SP110: variants seen among roughly 807,000 people sequenced by gnomAD.
The protein encoded by SP110 is interferon-induced protein 41, 30kD.
A neutral mutation model predicts 92.7 loss-of-function variants in SP110; 62 were observed. The observed-to-expected ratio is 0.67, with a 90% CI of 0.55 to 0.83. SP110 has a LOEUF of 0.83. Ranked by LOEUF, SP110 falls within the 40% of genes least tolerant of loss-of-function variation. SP110 has a pLI of 0.00. For synonymous variants in SP110, 273 were observed against 305.3 expected (o/e 0.89, Z 1.10); for missense variants, 793 against 863.9 (o/e 0.92, Z 1.03).
At chr2:230,183,661 C>T in intron 11 of SP110, 21 bp from the exon 12 acceptor site, 1 of 1,323,994 alleles carries the variant, frequency 7.6e-7, no homozygotes, top group Non-Finnish European at 1.1e-6. Context: ...AATTAATAAT[C>T]ACTTATAGCT....
At position 230,178,086 on chromosome 2, in the gene SP110, C is replaced by T. The variant is rs2241525; in HGVS notation, c.1447+71G>A. On this transcript the variant is annotated intron_variant, in intron 13 of 18. Coordinates refer to ENST00000258381, the MANE Select transcript of SP110 (RefSeq NM_080424.4). ...TCCATTTCCTGATCAATTACACACA[C>T]GGGTATTTTCCTCCCTTCTAGTGAG... The T allele has an allele frequency of 0.14, 123,471 of 899,210 alleles. 8,869 individuals are homozygous for T. The highest frequency in any genetic ancestry group is 0.16 in the African/African-American group (9,627 of 60,636). 55.7% of individuals were successfully genotyped at this position (899,210 alleles called of 1,614,324 possible).
chr2:230,208,507 G>A (rs1016297479), intron 7 of SP110, among the ~76,000 whole-genome samples: 58 of 152,306 alleles, frequency 3.8e-4, no homozygotes, highest in Non-Finnish European at 1.6e-4. Context: ...GGAGAGGAGG[G>A]AGACAGATGT....
upstream of SP110, among the ~76,000 whole-genome samples, chr2:230,223,899 T>C (rs1238100739): frequency 6.6e-6 from 1 of 152,116 alleles, no homozygotes; most frequent in East Asian, 1.9e-4. Context: ...TAAATCTGGA[T>C]GGGGGAACAG....
At chr2:230,201,945 T>C (rs2043226117) in intron 9 of SP110, among the ~76,000 whole-genome samples, 1 of 152,206 alleles carries the variant, frequency 6.6e-6, no homozygotes, top group Admixed American at 6.5e-5. Flanking sequence ...TACCTCACCC[T>C]TTTAAACTAG....
In SP110 at chr2:230,211,508, G is replaced by C; in HGVS notation, c.713C>G (p.Pro238Arg). 2.5e-6 allele frequency: 4 copies of C among 1,612,090 alleles called. No individual in the cohort carries two copies. The highest frequency in any genetic ancestry group is 3.4e-6 in the Non-Finnish European group (4 of 1,178,154). The part of the protein sequence containing the change: ...LIPQIRDKED[P>R]QEMPHSPLGS... ...CAAGGGAGAGTGGGGCATCTCTTGA[G>C]GGTCTTCTTTATCTCTTATTTGGGG... Residue 238 changes from proline to arginine, a missense_variant, in exon 6 of 19, where the codon CCT (proline) becomes CGT (arginine). Transcript: ENST00000258381. The surrounding 1 kb of genome is among the most constrained non-coding windows in gnomAD (Gnocchi z 4.2).
In SP110 at chr2:230,172,351, G is replaced by T. The variant is rs115108699; in HGVS notation, c.1707-177C>A. ...CAGCATTGGCCCTTCCCTCGCATCA[G>T]TGGTAGCGGCAGGCGGGCAGCCTGA... is the stretch of plus-strand genomic sequence containing the variant. On this transcript the variant is annotated intron_variant, in intron 15 of 18. Coordinates refer to ENST00000258381, the MANE Select transcript of SP110 (RefSeq NM_080424.4). The T allele has an allele frequency of 6.7e-4, 445 of 659,932 alleles. 1 individual carries two copies. In the African/African-American group the frequency reaches 7.0e-3, roughly 10 times the overall value. The allele number at this position is 659,932 out of a possible 1,614,324, so 40.9% of individuals were successfully genotyped here. A position where few individuals can be genotyped will look rare whatever the true frequency, so the allele number is the denominator to read the frequency against.
At chr2:230,174,693 T>G (rs919924899) in intron 14 of SP110, among the ~76,000 whole-genome samples, 5 of 152,230 alleles carry the variant, frequency 3.3e-5, no homozygotes, top group African/African-American at 1.2e-4. Flanking sequence ...CTGCCCATCA[T>G]GTGTGGGTCA....
chr2:230,194,094 C>T (rs1050817293), intron 10 of SP110, among the ~76,000 whole-genome samples: 5 of 152,044 alleles, frequency 3.3e-5, no homozygotes, highest in Non-Finnish European at 7.4e-5. Context: ...ATATGACTTT[C>T]CTTCTAGGCC....
upstream of SP110, among the ~76,000 whole-genome samples, chr2:230,221,271 A>C (rs865837297): frequency 6.7e-6 from 1 of 148,282 alleles, no homozygotes; most frequent in South Asian, 2.1e-4. Context: ...ACAGAGCAAG[A>C]CTCCATCTCG....
At chr2:230,190,756 G>A (rs1040846834) in intron 10 of SP110, among the ~76,000 whole-genome samples, 1 of 152,200 alleles carries the variant, frequency 6.6e-6, no homozygotes, top group African/African-American at 2.4e-5. Flanking sequence ...AAGGGGTCCA[G>A]TTTCAGTTTT....
chr2:230,193,818 C>T (rs1355234083), intron 10 of SP110, among the ~76,000 whole-genome samples: 1 of 152,166 alleles, frequency 6.6e-6, no homozygotes, highest in Admixed American at 6.5e-5. Context: ...ATTGAGAAGC[C>T]ACTGCTCAGT....
chr2:230,206,693 C>G (rs1325815213), intron 8 of SP110, among the ~76,000 whole-genome samples: 1 of 136,844 alleles, frequency 7.3e-6, no homozygotes, highest in Non-Finnish European at 1.5e-5. Flanking sequence ...AATATAACTT[C>G]CTGATTTCTC....
chr2:230,220,063 T>G, upstream of SP110: 1 of 985,510 alleles, frequency 1.0e-6, no homozygotes, highest in South Asian at 4.7e-5. Flanking sequence ...AGCCGGAAGC[T>G]GAAGGCAGGT....
intron 2 of SP110, 133 bp from the exon 3 acceptor site, chr2:230,215,251 A>T: frequency 1.3e-6 from 1 of 743,008 alleles, no homozygotes; most frequent in Non-Finnish European, 2.3e-6. Flanking sequence ...ATATATAGTC[A>T]CATTCTCTAA....
chr2:230,175,289 G>T (rs1341380136), intron 14 of SP110, among the ~76,000 whole-genome samples: 1 of 152,016 alleles, frequency 6.6e-6, no homozygotes, highest in Non-Finnish European at 1.5e-5. Context: ...AAACCATTTG[G>T]TGGCTTTCCA....
At chr2:230,175,815 G>A (rs918950361) in intron 14 of SP110, among the ~76,000 whole-genome samples, 1 of 152,144 alleles carries the variant, frequency 6.6e-6, no homozygotes, top group African/African-American at 2.4e-5. Flanking sequence ...TTCCATCCTG[G>A]TGCTACCAAT....
chr2:230,200,955 A>G lies in SP110; in HGVS notation c.1059T>C (p.Asp353=), dbSNP rs1030840458. ...ARKSRSEEII[D]GTSEMNEGKR... Reference sequence around the variant, plus strand: ...TTCCTTCATTCATTTCTGAAGTGCCATCAATGATCTCTGGAAAATGAAAGA... The same window carrying G: ...TTCCTTCATTCATTTCTGAAGTGCCGTCAATGATCTCTGGAAAATGAAAGA... Residue 353 remains aspartate, a synonymous_variant, in exon 10 of 19, where the codon GAT becomes GAC. Transcript: ENST00000258381. 8 of 1,612,828 alleles carry G rather than the reference A, an allele frequency of 5.0e-6. No homozygotes were observed. Among genetic ancestry groups the G allele is most frequent in the South Asian group, 1.1e-5 (1 of 91,068 alleles).
At chr2:230,189,516 T>C (rs1351083586) in intron 10 of SP110, among the ~76,000 whole-genome samples, 1 of 152,208 alleles carries the variant, frequency 6.6e-6, no homozygotes, top group African/African-American at 2.4e-5. Flanking sequence ...TGGAGTTGAT[T>C]TCTAGTTTTA....
At position 230,183,624 on chromosome 2, in the gene SP110, T is replaced by C. The variant is rs763850596; in HGVS notation, c.1296A>G (p.Lys432=). Reference sequence around the variant, plus strand: ...TCCTTTTTGAGCTTGAACAGATATCTTTCTCCTTTTTCTTTTCTAAACACA... The same window carrying C: ...TCCTTTTTGAGCTTGAACAGATATCCTTCTCCTTTTTCTTTTCTAAACACA... ...KSRLKEKKKE[K]DICSSSKRRF... The change falls in exon 12 of 19, where the codon AAA becomes AAG. Residue 432 remains lysine (K), a synonymous_variant. Transcript: ENST00000258381. 6.4e-7 allele frequency: 1 copy of C among 1,573,592 alleles called. No individual in the cohort carries two copies. The highest frequency in any genetic ancestry group is 2.2e-5 in the East Asian group (1 of 44,684).
Sources: allele counts gnomAD v4.1 joint callset (sites outside exome capture counted in the v4.1 genomes callset), GRCh38; gene constraint gnomAD v4.1.1; non-coding constraint Gnocchi (gnomAD v3.1); transcripts MANE v1.5; gene names NCBI Gene and HGNC (gene_info 2026-07-23, HGNC 2026-07-21).